The following SH3PXD2A variants were observed in gnomAD, a reference collection of about 807,000 sequenced individuals.
The protein encoded by SH3PXD2A is SH3 and PX domain-containing protein 2A.
A neutral mutation model predicts 115.2 loss-of-function variants in SH3PXD2A; 32 were observed. The observed-to-expected ratio is 0.28, with a 90% CI of 0.21 to 0.37. The LOEUF (loss-of-function observed/expected upper bound fraction) is 0.37. Ranked by LOEUF, SH3PXD2A falls within the 10% of genes least tolerant of loss-of-function variation. The pLI, the probability that SH3PXD2A is intolerant of heterozygous loss-of-function variation, is 1.00. For missense variants in SH3PXD2A, 1,328 were observed against 1,498.7 expected (o/e 0.89, Z 1.88); for synonymous variants, 610 against 629.1 (o/e 0.97, Z 0.45).
At chr10:103,805,889 G>C (rs764802826) in intron 1 of SH3PXD2A, among the ~76,000 whole-genome samples, 1 of 152,192 alleles carries the variant, frequency 6.6e-6, no homozygotes, top group Non-Finnish European at 1.5e-5. Context: ...AAATTCACAC[G>C]AAGTCATCTC....
intron 8 of SH3PXD2A, among the ~76,000 whole-genome samples, chr10:103,637,715 C>A (rs933309480): frequency 6.6e-6 from 1 of 152,108 alleles, no homozygotes; most frequent in African/African-American, 2.4e-5. Flanking sequence ...AGGGCATTTG[C>A]GAGCTCCAAG....
chr10:103,765,067 C>A lies in SH3PXD2A; in HGVS notation c.229+2027G>T, dbSNP rs1490089589. ...CATTTATTTTATGCTTGAAACAGCC[C>A]CACGAAGTACATTCTATCATTATCC... On this transcript the variant is annotated intron_variant, in intron 3 of 14. Transcript: ENST00000369774. Among the ~76,000 whole-genome samples the A allele has an allele frequency of 2.0e-5, 3 of 152,234 alleles. No homozygotes were observed. The East Asian group carries it at 5.8e-4, about 29-fold the overall frequency.
intron 1 of SH3PXD2A, among the ~76,000 whole-genome samples, chr10:103,848,117 GGAAATTACT>G (rs1348940464): frequency 1.3e-5 from 2 of 152,262 alleles, no homozygotes; most frequent in East Asian, 1.9e-4. Flanking sequence ...GAGTGTGGAT[GGAAATTACT>G]CCACCTGAAA....
intron 5 of SH3PXD2A, among the ~76,000 whole-genome samples, chr10:103,698,303 C>T (rs1229432189): frequency 1.3e-5 from 2 of 152,326 alleles, no homozygotes; most frequent in East Asian, 3.9e-4. Flanking sequence ...CAGGGTTGTA[C>T]CCTCCACTGC....
chr10:103,665,115 TTGTGG>T lies in SH3PXD2A; in HGVS notation c.472+3488_472+3492del, dbSNP rs2037367365. Among the ~76,000 whole-genome samples, 1 of 152,070 alleles carries T rather than the reference TTGTGG, an allele frequency of 6.6e-6. No homozygotes were observed. The highest frequency in any genetic ancestry group is 1.5e-5 in the Non-Finnish European group (1 of 68,016). On this transcript the variant is annotated intron_variant, in intron 7 of 14. Transcript: ENST00000369774. This position sits in a 1 kb window ranked among gnomAD's most constrained non-coding sequence, Gnocchi z 4.0. The stretch of plus-strand genomic sequence containing the variant: ...AAGATGAACAGAGGGACTCATTGGT[TTGTGG>T]TGTCAATATGAATACCTTGACTCTG...
At chr10:103,643,527 G>A (rs1294785765) in intron 8 of SH3PXD2A, among the ~76,000 whole-genome samples, 5 of 152,210 alleles carry the variant, frequency 3.3e-5, no homozygotes, top group African/African-American at 1.2e-4. Context: ...ATGCCATGAA[G>A]TTCAACAAGA....
intron 1 of SH3PXD2A, among the ~76,000 whole-genome samples, chr10:103,807,854 T>C (rs1454641662): frequency 3.3e-5 from 5 of 152,142 alleles, no homozygotes; most frequent in Admixed American, 3.3e-4. Flanking sequence ...GAAATCAAAA[T>C]GAACACGATT....
At chr10:103,737,602 G>A (rs2038394672) in intron 3 of SH3PXD2A, among the ~76,000 whole-genome samples, 1 of 152,220 alleles carries the variant, frequency 6.6e-6, no homozygotes, top group Non-Finnish European at 1.5e-5. Context: ...GGCTCCAGGA[G>A]ATGACAGAGA....
At chr10:103,693,962 A>G (rs555778562) in intron 5 of SH3PXD2A, among the ~76,000 whole-genome samples, 15 of 152,276 alleles carry the variant, frequency 9.9e-5, no homozygotes, top group Admixed American at 5.2e-4. Flanking sequence ...GTCCAGACTC[A>G]AAGATGGGCA....
intron 6 of SH3PXD2A, among the ~76,000 whole-genome samples, chr10:103,677,412 G>T (rs934524271): frequency 2.0e-5 from 3 of 152,170 alleles, no homozygotes; most frequent in Admixed American, 6.5e-5. Context: ...GGCCTTGAAG[G>T]TATAACTGGA....
intron 9 of SH3PXD2A, among the ~76,000 whole-genome samples, chr10:103,624,710 GC>G (rs1194496520): frequency 6.6e-6 from 1 of 152,182 alleles, no homozygotes; most frequent in Non-Finnish European, 1.5e-5. Flanking sequence ...AGGGCTCAGG[GC>G]ACCTATGATG....
intron 2 of SH3PXD2A, among the ~76,000 whole-genome samples, chr10:103,785,824 G>A (rs2038975271): frequency 6.6e-6 from 1 of 151,396 alleles, no homozygotes; most frequent in Non-Finnish European, 1.5e-5. Context: ...CTTCTGCTTG[G>A]GATGCGGCCG....
At chr10:103,634,727 G>T (rs2036839104) in intron 8 of SH3PXD2A, among the ~76,000 whole-genome samples, 1 of 152,190 alleles carries the variant, frequency 6.6e-6, no homozygotes, top group East Asian at 1.9e-4. Context: ...AATGTGTACA[G>T]CTGAGGGTCC....
chr10:103,771,069 T>C (rs995896326), intron 2 of SH3PXD2A, among the ~76,000 whole-genome samples: 1 of 152,184 alleles, frequency 6.6e-6, no homozygotes, highest in Non-Finnish European at 1.5e-5. Flanking sequence ...CAGAGATGTC[T>C]GAGGAGAGAG....
intron 2 of SH3PXD2A, among the ~76,000 whole-genome samples, chr10:103,774,139 T>C (rs1414915371): frequency 1.3e-5 from 2 of 152,352 alleles, no homozygotes; most frequent in East Asian, 3.9e-4. Flanking sequence ...TAAAAAAAAG[T>C]TTTGTTTCTA....
At chr10:103,819,342 A>G (rs542905126) in intron 1 of SH3PXD2A, among the ~76,000 whole-genome samples, 1 of 152,274 alleles carries the variant, frequency 6.6e-6, no homozygotes, top group South Asian at 2.1e-4. Context: ...CAGATAAGGA[A>G]GGTAGGCTGG....
At chr10:103,702,709 T>C (rs1423210450) in intron 5 of SH3PXD2A, among the ~76,000 whole-genome samples, 1 of 151,830 alleles carries the variant, frequency 6.6e-6, no homozygotes, top group Non-Finnish European at 1.5e-5. Context: ...AGCTCAGATT[T>C]TAGAAGGAAG....
chr10:103,778,237 G>A (rs1177941849), intron 2 of SH3PXD2A, among the ~76,000 whole-genome samples: 1 of 152,208 alleles, frequency 6.6e-6, no homozygotes, highest in African/African-American at 2.4e-5. Flanking sequence ...GGAGGCTGAG[G>A]CAGGAAATGG....
intron 5 of SH3PXD2A, among the ~76,000 whole-genome samples, chr10:103,718,598 T>C (rs1359010259): frequency 6.6e-6 from 1 of 152,214 alleles, no homozygotes; most frequent in Non-Finnish European, 1.5e-5. Flanking sequence ...CAACTTCGCT[T>C]CCCCATCTGC....
Sources: gnomAD v4.1 joint callset for allele counts (sites outside exome capture counted in the v4.1 genomes callset) on GRCh38, gnomAD v4.1.1 for gene constraint, Gnocchi (gnomAD v3.1) non-coding constraint, MANE v1.5 for transcripts, NCBI Gene and HGNC (gene_info 2026-07-23, HGNC 2026-07-21) for gene names.